The following TMEM178B variants were observed in gnomAD, a reference collection of about 807,000 sequenced individuals.
The protein encoded by TMEM178B is transmembrane protein 178B.
In TMEM178B, 5 loss-of-function variants were observed where a neutral mutation model predicts 31.0. That is an observed-to-expected ratio of 0.16 (90% CI 0.08 to 0.34). TMEM178B has a LOEUF of 0.34. Ranked by LOEUF, TMEM178B falls within the 10% of genes least tolerant of loss-of-function variation. The probability of loss-of-function intolerance (pLI) is 1.00; values close to 1 mark genes in which losing one functional copy is unlikely to be tolerated. For missense variants in TMEM178B, 275 were observed against 400.3 expected, an observed-to-expected ratio of 0.69 and a Z score of 2.67; for synonymous variants, 164 against 164.0, an observed-to-expected ratio of 1.00 and a Z score of 0.00.
downstream of TMEM178B, among the ~76,000 whole-genome samples, chr7:141,483,596 A>G (rs1802512299): frequency 6.6e-6 from 1 of 152,150 alleles, no homozygotes; most frequent in African/African-American, 2.4e-5. Context: ...TCTGTCCCAT[A>G]CCACTTTAGA....
chr7:141,216,419 A>G (rs1797147407), intron 2 of TMEM178B, among the ~76,000 whole-genome samples: 1 of 118,608 alleles, frequency 8.4e-6, no homozygotes, highest in Non-Finnish European at 1.7e-5. Flanking sequence ...CCAGAGGATG[A>G]AGCCTGTGTG....
intron 1 of TMEM178B, among the ~76,000 whole-genome samples, chr7:141,205,982 G>A (rs1049300219): frequency 6.6e-6 from 1 of 152,198 alleles, no homozygotes; most frequent in African/African-American, 2.4e-5. Context: ...GGGCTACTGT[G>A]TGGGAAAATT....
Position 141,084,560 on chromosome 7 carries a change from G to A in TMEM178B, c.382+9868G>A, listed in dbSNP as rs139265970. Among the ~76,000 whole-genome samples, 84 of 152,248 alleles carry A rather than the reference G, an allele frequency of 5.5e-4. 2 individuals carry two copies. The East Asian group carries it at 0.013, about 23-fold the overall frequency. ...GATGGCTGGGCCCCATCTGGGAGCC[G>A]TCAGCGCATGTTTTGCAGAAAAGCG... On this transcript the variant is annotated intron_variant, in intron 1 of 3. Transcript: ENST00000565468.
At chr7:141,455,073 T>C (rs1005605825) in intron 3 of TMEM178B, among the ~76,000 whole-genome samples, 3 of 152,164 alleles carry the variant, frequency 2.0e-5, no homozygotes, top group African/African-American at 7.2e-5. Flanking sequence ...CTCTGTCCAC[T>C]GGTTTAGTCC....
chr7:141,440,123 G>A (rs1022464198), intron 3 of TMEM178B, among the ~76,000 whole-genome samples: 3 of 152,316 alleles, frequency 2.0e-5, no homozygotes, highest in Admixed American at 1.3e-4. Context: ...GATGGAGTGT[G>A]GGGGCAGTGA....
chr7:141,286,315 C>T lies in TMEM178B; in HGVS notation c.496+73611C>T, dbSNP rs532217587. On this transcript the variant is annotated intron_variant, in intron 2 of 3. Coordinates refer to ENST00000565468, the MANE Select transcript of TMEM178B (RefSeq NM_001195278.2). ...TAACTTTTTATTTTACAGAGAATTA[C>T]CCAAATAGGTGAAATGGCTTAGATA... Among the ~76,000 whole-genome samples the T allele has an allele frequency of 1.6e-3, 249 of 152,252 alleles. 2 individuals are homozygous for T. The highest frequency in any genetic ancestry group is 5.8e-3 in the African/African-American group (241 of 41,550).
chr7:141,112,583 AC>A (rs2129175298), intron 1 of TMEM178B, among the ~76,000 whole-genome samples: 1 of 152,320 alleles, frequency 6.6e-6, no homozygotes, highest in South Asian at 2.1e-4. Flanking sequence ...TTAGAATTTA[AC>A]AATCTGTTAA....
chr7:141,097,353 G>A (rs528258933), intron 1 of TMEM178B, among the ~76,000 whole-genome samples: 435 of 107,998 alleles, frequency 4.0e-3, no homozygotes, highest in Non-Finnish European at 5.9e-3. Flanking sequence ...GCGAAAGAGT[G>A]AGACTCCGTC....
At chr7:141,270,502 C>T (rs192596354) in intron 2 of TMEM178B, among the ~76,000 whole-genome samples, 200 of 152,268 alleles carry the variant, frequency 1.3e-3, no homozygotes, top group Non-Finnish European at 2.3e-3. Flanking sequence ...GTGTATTCAG[C>T]CACCTTTTAA....
In TMEM178B at chr7:141,074,819, G is replaced by C; in HGVS notation, c.382+127G>C. 1 of 1,325,008 alleles carries C rather than the reference G, an allele frequency of 7.5e-7. No homozygotes were observed. Among genetic ancestry groups the C allele is most frequent in the Non-Finnish European group, 1.0e-6 (1 of 1,001,822 alleles). 82.1% of individuals were successfully genotyped at this position (1,325,008 alleles called of 1,614,324 possible). The stretch of plus-strand genomic sequence containing the variant: ...GGGTTCCAGGCGGTCCGGTTATCCA[G>C]GCCTGGCTGAGCCTCGGGGCCAGGA... On this transcript the variant is annotated intron_variant, in intron 1 of 3. Transcript: ENST00000565468. The surrounding 1 kb of genome is among the most constrained non-coding windows in gnomAD (Gnocchi z 5.1).
At chr7:141,207,094 G>A (rs1272525939) in intron 1 of TMEM178B, among the ~76,000 whole-genome samples, 1 of 152,184 alleles carries the variant, frequency 6.6e-6, no homozygotes, top group African/African-American at 2.4e-5. Context: ...ATCTATGGTT[G>A]TTGCATGCAG....
chr7:141,449,853 G>A (rs955622224), intron 3 of TMEM178B, among the ~76,000 whole-genome samples: 2 of 152,206 alleles, frequency 1.3e-5, no homozygotes, highest in Non-Finnish European at 2.9e-5. Context: ...TCAGCAGTCT[G>A]TACAATACAG....
At chr7:141,314,675 A>G (rs1397243430) in intron 2 of TMEM178B, among the ~76,000 whole-genome samples, 1 of 152,104 alleles carries the variant, frequency 6.6e-6, no homozygotes, top group Non-Finnish European at 1.5e-5. Context: ...TCCTCTGGCC[A>G]TAGGTCAATG....
chr7:141,152,177 G>T (rs1005533319), intron 1 of TMEM178B, among the ~76,000 whole-genome samples: 1 of 152,194 alleles, frequency 6.6e-6, no homozygotes, highest in African/African-American at 2.4e-5. Flanking sequence ...CAGCATTCAG[G>T]ATGGGATGCA....
chr7:141,152,671 A>T (rs1795996477), intron 1 of TMEM178B, among the ~76,000 whole-genome samples: 1 of 152,180 alleles, frequency 6.6e-6, no homozygotes, highest in Admixed American at 6.5e-5. Flanking sequence ...TCTCTCGTCC[A>T]GTGGTTCAGT....
At chr7:141,368,799 A>G (rs1410344864) in intron 2 of TMEM178B, among the ~76,000 whole-genome samples, 5 of 152,232 alleles carry the variant, frequency 3.3e-5, no homozygotes, top group African/African-American at 7.2e-5. Context: ...AGAATTTCCA[A>G]TGGTATGAAA....
At position 141,473,833 on chromosome 7, in the gene TMEM178B, C is replaced by G. The variant is rs1586984899; in HGVS notation, c.*3047C>G. 1 of 152,356 alleles carries G rather than the reference C, an allele frequency of 6.6e-6. No individual in the cohort carries two copies. Among genetic ancestry groups the G allele is most frequent in the East Asian group, 1.9e-4 (1 of 5,190 alleles). The allele number at this position is 152,356 out of a possible 1,614,324, so 9.4% of individuals were successfully genotyped here. On this transcript the variant is annotated 3_prime_UTR_variant, in exon 4 of 4. Transcript: ENST00000565468. ...AGTCCTGGCCAATGGGAGGACTTCT[C>G]AGGTGACCTTGATCCCTCTAGCATA...
At chr7:141,163,571 G>T (rs1796213324) in intron 1 of TMEM178B, among the ~76,000 whole-genome samples, 1 of 150,496 alleles carries the variant, frequency 6.6e-6, no homozygotes, top group African/African-American at 2.5e-5. Flanking sequence ...GGTGTGCAGT[G>T]GTGCAATCCT....
At chr7:141,345,823 T>C (rs957095971) in intron 2 of TMEM178B, among the ~76,000 whole-genome samples, 15 of 152,204 alleles carry the variant, frequency 9.9e-5, no homozygotes, top group Admixed American at 9.8e-4. Flanking sequence ...ACTTTTAAAC[T>C]TTAAGAGAGT....
Sources: gnomAD v4.1 joint callset for allele counts (sites outside exome capture counted in the v4.1 genomes callset) on GRCh38, gnomAD v4.1.1 for gene constraint, Gnocchi (gnomAD v3.1) non-coding constraint, MANE v1.5 for transcripts, NCBI Gene and HGNC (gene_info 2026-07-23, HGNC 2026-07-21) for gene names.